KAT6B: variants seen among roughly 807,000 people sequenced by gnomAD.
The protein encoded by KAT6B is histone acetyltransferase KAT6B.
Under a neutral mutation model 187.5 loss-of-function variants are expected in KAT6B, and 10 were observed. The ratio of observed to expected loss-of-function variants is 0.05; its 90% CI spans 0.03 to 0.09. KAT6B has a LOEUF of 0.09. KAT6B is among the 10% of genes least tolerant of loss of function. The pLI, the probability that KAT6B is intolerant of heterozygous loss-of-function variation, is 1.00. For synonymous variants in KAT6B, 861 were observed against 926.8 expected, an observed-to-expected ratio of 0.93 and a Z score of 1.29; for missense variants, 1,952 against 2,558.9, an observed-to-expected ratio of 0.76 and a Z score of 5.12.
intron 8 of KAT6B, chr10:74,976,756 C>T: frequency 3.4e-6 from 1 of 297,138 alleles, no homozygotes; most frequent in Non-Finnish European, 6.4e-6. Flanking sequence ...TGCTCCATTG[C>T]TTTCTCATGA....
At chr10:74,991,632 T>C (rs927239823) in intron 13 of KAT6B, among the ~76,000 whole-genome samples, 2 of 152,224 alleles carry the variant, frequency 1.3e-5, no homozygotes, top group South Asian at 2.1e-4. Flanking sequence ...TGTGGTTTTT[T>C]TCTTTTCTCT....
intron 1 of KAT6B, among the ~76,000 whole-genome samples, chr10:74,833,639 G>A (rs1841048540): frequency 1.3e-5 from 2 of 152,194 alleles, no homozygotes; most frequent in Admixed American, 6.5e-5. Flanking sequence ...GTTATTGTTT[G>A]TTGAAGCACA....
At chr10:74,841,008 AT>A (rs1379572912) in intron 2 of KAT6B, among the ~76,000 whole-genome samples, 3 of 152,254 alleles carry the variant, frequency 2.0e-5, no homozygotes, top group African/African-American at 4.8e-5. Context: ...TGTTATAAAA[AT>A]TTCAAAGTAT....
intron 3 of KAT6B, among the ~76,000 whole-genome samples, chr10:74,867,959 A>G (rs1322849521): frequency 6.6e-6 from 1 of 152,200 alleles, no homozygotes; most frequent in South Asian, 2.1e-4. Flanking sequence ...TAAATGATTG[A>G]AGCAAAGGTT....
chr10:74,862,976 C>G (rs141407586), intron 3 of KAT6B, among the ~76,000 whole-genome samples: 289 of 152,316 alleles, frequency 1.9e-3, no homozygotes, highest in African/African-American at 6.8e-3. Context: ...TGCTCTCTTA[C>G]GCCAAGAATG....
chr10:75,030,825 A>G lies in KAT6B; in HGVS notation c.6001A>G (p.Met2001Val), dbSNP rs1022629615. 6.8e-6 allele frequency: 11 copies of G among 1,614,136 alleles called. No homozygotes were observed. Among genetic ancestry groups the G allele is most frequent in the African/African-American group, 1.3e-5 (1 of 74,950 alleles). ...GAATGGGTACAGCATGTCCCAGCCA[A>G]TGATGAACAGTGGCTACCACAGCAA... Reference protein sequence around the residue: ...AMNGYSMSQPMMNSGYHSNHG... With the variant: ...AMNGYSMSQPVMNSGYHSNHG... The change falls in exon 18 of 18, where the codon ATG (methionine) becomes GTG (valine). Residue 2001 changes from methionine (M) to valine (V), a missense_variant. Physicochemically the swap from Met to Val is conservative, Grantham distance 21. Coordinates refer to ENST00000287239, the MANE Select transcript of KAT6B (RefSeq NM_012330.4). This position sits in a 1 kb window ranked among gnomAD's most constrained non-coding sequence, Gnocchi z 4.8.
At chr10:74,826,284 C>G (rs1375290054), upstream of KAT6B, among the ~76,000 whole-genome samples, 4 of 152,056 alleles carry the variant, frequency 2.6e-5, no homozygotes, top group Non-Finnish European at 4.4e-5. Context: ...GGCGCGGTAT[C>G]TAGGAGAGAG....
chr10:74,898,391 A>C (rs996553132), intron 3 of KAT6B, among the ~76,000 whole-genome samples: 1 of 152,036 alleles, frequency 6.6e-6, no homozygotes, highest in Non-Finnish European at 1.5e-5. Flanking sequence ...ACACAAACTC[A>C]TGATACTGGT....
chr10:74,975,585 C>G lies in KAT6B; in HGVS notation c.1248C>G (p.Thr416=). The change falls in exon 8 of 18, where the codon ACC becomes ACG. Residue 416 remains threonine, a synonymous_variant. Transcript: ENST00000287239. ...GTGCCACCACCAAAATCACCACCAC[C>G]TCCACCTACATTTCTGCCTCTACAC... is the stretch of plus-strand genomic sequence containing the variant. ...RPGATTKITT[T]STYISASTLK... The G allele has an allele frequency of 6.2e-7, 1 of 1,614,164 alleles. No individual in the cohort carries two copies. Among genetic ancestry groups the G allele is most frequent in the East Asian group, 2.2e-5 (1 of 44,878 alleles).
chr10:74,844,058 G>A (rs893621152), intron 3 of KAT6B, among the ~76,000 whole-genome samples: 1 of 152,050 alleles, frequency 6.6e-6, no homozygotes, highest in African/African-American at 2.4e-5. Context: ...ATTTTTAATA[G>A]AGACAGGACT....
rs1420717965 is a variant in KAT6B at position 75,020,806 on chromosome 10, G to A, written c.2854G>A (p.Asp952Asn). The A allele has an allele frequency of 1.2e-6, 2 of 1,613,870 alleles. No individual in the cohort carries two copies. The highest frequency in any genetic ancestry group is 1.7e-6 in the Non-Finnish European group (2 of 1,179,966). ...GCACCTCCACATGATCGACAAGAGA[G>A]ATGGCAGGTGAGTCCTGGGACCCTG... is the stretch of plus-strand genomic sequence containing the variant. ...LQHLHMIDKRDGRFVIIRREK... is the reference protein window; with the variant it reads ...LQHLHMIDKRNGRFVIIRREK... Residue 952 changes from aspartate (D) to asparagine (N), a missense_variant, in exon 14 of 18, where the codon GAT (aspartate) becomes AAT (asparagine). Asp to Asn is a conservative substitution (Grantham distance 23). This residue lies in a region of KAT6B where 758 missense variants were observed against 891.4 expected (regional missense o/e 0.85). Coordinates refer to ENST00000287239, the MANE Select transcript of KAT6B (RefSeq NM_012330.4).
intron 3 of KAT6B, among the ~76,000 whole-genome samples, chr10:74,863,154 T>A (rs61862627): frequency 6.6e-6 from 1 of 152,242 alleles, no homozygotes; most frequent in Non-Finnish European, 1.5e-5. Flanking sequence ...ACTATAAAGA[T>A]AACTACTGTT....
At position 74,975,795 on chromosome 10, in the gene KAT6B, G is replaced by A. The variant is rs1459458635; in HGVS notation, c.1458G>A (p.Lys486=). The A allele has an allele frequency of 6.2e-7, 1 of 1,614,032 alleles. No individual in the cohort carries two copies. The highest frequency in any genetic ancestry group is 8.5e-7 in the Non-Finnish European group (1 of 1,180,024). ...SHVLATGTTQ[K]LKPPPSSLPP... ...TGTTGGCTACAGGTACCACACAAAA[G>A]CTAAAACCTCCACCTTCTTCACTTC... Residue 486 remains lysine, a synonymous_variant, in exon 8 of 18, where the codon AAG becomes AAA. Coordinates refer to ENST00000287239, the MANE Select transcript of KAT6B (RefSeq NM_012330.4).
intron 4 of KAT6B, among the ~76,000 whole-genome samples, chr10:74,961,870 A>G (rs916777395): frequency 6.6e-6 from 1 of 152,236 alleles, no homozygotes; most frequent in African/African-American, 2.4e-5. Flanking sequence ...CAAATGGAGA[A>G]TAATGACTTG....
intron 3 of KAT6B, among the ~76,000 whole-genome samples, chr10:74,845,127 G>A (rs1307723797): frequency 1.3e-5 from 2 of 152,144 alleles, no homozygotes; most frequent in African/African-American, 4.8e-5. Context: ...GCTGAGGTGG[G>A]AGGATCACTT....
chr10:74,834,564 G>T (rs1841136056), intron 1 of KAT6B, among the ~76,000 whole-genome samples: 1 of 151,988 alleles, frequency 6.6e-6, no homozygotes, highest in Admixed American at 6.5e-5. Flanking sequence ...TATTGCCTAG[G>T]CTGGAGAGCA....
chr10:74,913,993 C>G (rs1344840094), intron 3 of KAT6B, among the ~76,000 whole-genome samples: 1 of 152,102 alleles, frequency 6.6e-6, no homozygotes, highest in Non-Finnish European at 1.5e-5. Context: ...TGAGACCAGC[C>G]TGGGCAACAT....
intron 4 of KAT6B, among the ~76,000 whole-genome samples, chr10:74,968,086 T>A (rs1841597966): frequency 1.3e-5 from 2 of 152,158 alleles, no homozygotes; most frequent in African/African-American, 2.4e-5. Context: ...CTCCTCACTA[T>A]ATAAGGGGAC....
At chr10:74,923,481 A>G (rs1008473519) in intron 3 of KAT6B, among the ~76,000 whole-genome samples, 2 of 152,130 alleles carry the variant, frequency 1.3e-5, no homozygotes, top group Non-Finnish European at 2.9e-5. Flanking sequence ...AGAGTAAGGG[A>G]ATTAAGGAGT....
Sources: allele counts gnomAD v4.1 joint callset (sites outside exome capture counted in the v4.1 genomes callset), GRCh38; gene constraint gnomAD v4.1.1; regional missense constraint gnomAD v4.1.1; non-coding constraint Gnocchi (gnomAD v3.1); transcripts MANE v1.5; gene names NCBI Gene and HGNC (gene_info 2026-07-23, HGNC 2026-07-21).